CDH7: variants seen among roughly 807,000 people sequenced by gnomAD.
CDH7 encodes the protein cadherin 7.
Under a neutral mutation model 71.8 loss-of-function variants are expected in CDH7, and 25 were observed. The observed-to-expected ratio is 0.35, with a 90% CI of 0.25 to 0.49. The LOEUF (loss-of-function observed/expected upper bound fraction) is 0.49. CDH7 is among the 20% of genes least tolerant of loss of function. The pLI is 0.99. For missense variants in CDH7, 862 were observed against 974.6 expected (o/e 0.88, Z 1.54); for synonymous variants, 381 against 363.8 (o/e 1.05, Z -0.54).
At chr18:65,800,815 T>C (rs539166548) in intron 2 of CDH7, among the ~76,000 whole-genome samples, 156 of 152,348 alleles carry the variant, frequency 1.0e-3, no homozygotes, top group African/African-American at 3.6e-3. Context: ...GTGGATTCTG[T>C]GTGTTACTCA....
At chr18:65,843,706 A>T in intron 6 of CDH7, 106 bp from the exon 7 acceptor site, 1 of 1,014,624 alleles carries the variant, frequency 9.9e-7, no homozygotes, top group Non-Finnish European at 1.4e-6. Flanking sequence ...TGGTGCATTT[A>T]CATGACAGAG....
chr18:65,750,271 T>C (rs1395180609), upstream of CDH7: 1 of 148,884 alleles, frequency 6.7e-6, no homozygotes, highest in East Asian at 2.0e-4. Context: ...TCCGAGGAGA[T>C]TGAAAGGGCA....
chr18:65,847,711 T>A (rs561412116), intron 7 of CDH7, among the ~76,000 whole-genome samples: 1 of 152,224 alleles, frequency 6.6e-6, no homozygotes, highest in East Asian at 1.9e-4. Flanking sequence ...TTTACAAGTG[T>A]AGTCATCATA....
chr18:65,803,871 A>AC (rs1568193974), intron 2 of CDH7: 1 of 143,892 alleles, frequency 6.9e-6, no homozygotes, highest in Non-Finnish European at 1.5e-5. Context: ...AAAAAAAAAA[A>AC]GAACACACAC....
At chr18:65,838,280 TCTCA>T (rs1162507574) in intron 6 of CDH7, among the ~76,000 whole-genome samples, 2 of 152,172 alleles carry the variant, frequency 1.3e-5, no homozygotes, top group Admixed American at 6.5e-5. Flanking sequence ...ATAGGTATGG[TCTCA>T]CTCAAGCCCA....
At chr18:65,837,756 C>G (rs1047313633) in intron 6 of CDH7, among the ~76,000 whole-genome samples, 1 of 151,802 alleles carries the variant, frequency 6.6e-6, no homozygotes, top group Non-Finnish European at 1.5e-5. Context: ...AAAATAGAAA[C>G]GACAGAATGC....
intron 1 of CDH7, among the ~76,000 whole-genome samples, chr18:65,760,339 C>T (rs1300420129): frequency 1.3e-5 from 2 of 152,080 alleles, no homozygotes; most frequent in East Asian, 1.9e-4. Context: ...ATGACTGACC[C>T]AGAATTTGAA....
chr18:65,782,001 T>C (rs1910277219), intron 2 of CDH7, among the ~76,000 whole-genome samples: 1 of 89,166 alleles, frequency 1.1e-5, no homozygotes, highest in African/African-American at 8.3e-5. Flanking sequence ...TCTCTTTCTC[T>C]CTTTCTCTCT....
chr18:65,834,886 T>C (rs1912480017), intron 6 of CDH7, among the ~76,000 whole-genome samples: 1 of 152,250 alleles, frequency 6.6e-6, no homozygotes, highest in African/African-American at 2.4e-5. Flanking sequence ...TTTCTATCTG[T>C]GGTTGTATCA....
rs747575755 is a variant in CDH7 at position 65,822,112 on chromosome 18, T to C, written c.657T>C (p.Asp219=). 3 of 1,613,118 alleles carry C rather than the reference T, an allele frequency of 1.9e-6. No homozygotes were observed. The change falls in exon 5 of 12, where the codon GAT becomes GAC. Residue 219 remains aspartate, a synonymous_variant. Transcript: ENST00000397968. The part of the protein sequence containing the change: ...GVIKTALPNM[D]REAKDQYLLV... ...TCAAGACTGCCCTTCCAAACATGGA[T>C]AGAGAGGCTAAAGACCAGTATTTGC...
At chr18:65,867,788 G>T (rs930411544) in intron 11 of CDH7, among the ~76,000 whole-genome samples, 1 of 152,096 alleles carries the variant, frequency 6.6e-6, no homozygotes, top group African/African-American at 2.4e-5. Flanking sequence ...TGACACAATT[G>T]GGATTAGTTA....
At position 65,885,088 on chromosome 18, in the gene CDH7, C is replaced by G. The variant is rs1297531701; in HGVS notation, c.*4194C>G. 1 of 151,952 alleles carries G rather than the reference C, an allele frequency of 6.6e-6. No homozygotes were observed. Among genetic ancestry groups the G allele is most frequent in the Non-Finnish European group, 1.5e-5 (1 of 67,988 alleles). The allele number at this position is 151,952 out of a possible 1,614,324, so 9.4% of individuals were successfully genotyped here. A position where few individuals can be genotyped will look rare whatever the true frequency, so the allele number is the denominator to read the frequency against. ...GGTGTATGAAAGTTGGCAATGAAAG[C>G]TAATACAATCATGTTAGTCGGCTGG... On this transcript the variant is annotated 3_prime_UTR_variant, in exon 12 of 12. Coordinates refer to ENST00000397968, the MANE Select transcript of CDH7 (RefSeq NM_004361.5).
At chr18:65,868,081 A>C (rs1428465409) in intron 11 of CDH7, among the ~76,000 whole-genome samples, 1 of 152,224 alleles carries the variant, frequency 6.6e-6, no homozygotes, top group Non-Finnish European at 1.5e-5. Context: ...AAGTGGCAGC[A>C]CTATGTAAAA....
At chr18:65,764,364 TG>T (rs1481296540) in intron 2 of CDH7, among the ~76,000 whole-genome samples, 3 of 152,074 alleles carry the variant, frequency 2.0e-5, no homozygotes, top group African/African-American at 4.8e-5. Flanking sequence ...TTTCTTTTTT[TG>T]GTCCAGTTAC....
At chr18:65,826,503 A>G (rs1912135922) in intron 6 of CDH7, among the ~76,000 whole-genome samples, 2 of 151,320 alleles carry the variant, frequency 1.3e-5, no homozygotes, top group Admixed American at 6.6e-5. Context: ...GCAAATGAAT[A>G]TGGAAAATTT....
At position 65,782,163 on chromosome 18, in the gene CDH7, TTCC is replaced by T. The variant is rs1354222937; in HGVS notation, c.210+19113_210+19115del. Among the ~76,000 whole-genome samples, 59 of 116,012 alleles carry T rather than the reference TTCC, an allele frequency of 5.1e-4. 8 individuals are homozygous for T. Among genetic ancestry groups the T allele is most frequent in the African/African-American group, 2.6e-3 (56 of 21,790 alleles). 76.1% of individuals were successfully genotyped at this position (116,012 alleles called of 152,430 possible). A position where few individuals can be genotyped will look rare whatever the true frequency, so the allele number is the denominator to read the frequency against. On this transcript the variant is annotated intron_variant, in intron 2 of 11. Coordinates refer to ENST00000397968, the MANE Select transcript of CDH7 (RefSeq NM_004361.5). Reference sequence around the variant, plus strand: ...CTTTCTTTCTTTCTTTCTTTCTTTCTTCCTTTCTTTCTTTCTTTCTTTCTTGAC... The same window carrying T: ...CTTTCTTTCTTTCTTTCTTTCTTTCTTTTCTTTCTTTCTTTCTTTCTTGAC...
chr18:65,851,931 A>T (rs1913164812), intron 7 of CDH7, among the ~76,000 whole-genome samples: 1 of 152,184 alleles, frequency 6.6e-6, no homozygotes, highest in Non-Finnish European at 1.5e-5. Context: ...AGGTTTTCTT[A>T]AAAAAGCATG....
chr18:65,780,876 GT>G (rs1425566961), intron 2 of CDH7, among the ~76,000 whole-genome samples: 1 of 144,768 alleles, frequency 6.9e-6, no homozygotes, highest in East Asian at 2.1e-4. Context: ...TCCTCCTTCA[GT>G]TTTGCACCCT....
Position 65,762,841 on chromosome 18 carries a change from A to G in CDH7, c.-2A>G. The G allele has an allele frequency of 6.3e-7, 1 of 1,596,532 alleles. No individual in the cohort carries two copies. The highest frequency in any genetic ancestry group is 8.5e-7 in the Non-Finnish European group (1 of 1,174,658). Reference sequence around the variant, plus strand: ...CACAGGAAAAAGAAAGAAAAAAAAAAGATGAAGTTGGGCAAAGTGGAGTTC... The same window carrying G: ...CACAGGAAAAAGAAAGAAAAAAAAAGGATGAAGTTGGGCAAAGTGGAGTTC... On this transcript the variant is annotated 5_prime_UTR_variant, in exon 2 of 12. Coordinates refer to ENST00000397968, the MANE Select transcript of CDH7 (RefSeq NM_004361.5).
Sources: gnomAD v4.1 joint callset for allele counts (sites outside exome capture counted in the v4.1 genomes callset) on GRCh38, gnomAD v4.1.1 for gene constraint, MANE v1.5 for transcripts, NCBI Gene and HGNC (gene_info 2026-07-23, HGNC 2026-07-21) for gene names.